The following WDR27 variants were observed in gnomAD, a reference collection of about 807,000 sequenced individuals.
WDR27 encodes the protein WD repeat domain 27, also known as WD repeat-containing protein 27.
WDR27 carries 100 observed loss-of-function variants against 114.4 expected under a neutral mutation model. The ratio of observed to expected loss-of-function variants is 0.87; its 90% CI spans 0.74 to 1.03. The LOEUF is 1.03. Ranked by LOEUF, WDR27 falls within the 50% of genes least tolerant of loss-of-function variation. WDR27 has a pLI of 0.00. For missense variants in WDR27, 1,129 were observed against 1,092.9 expected, an observed-to-expected ratio of 1.03 and a Z score of -0.47; for synonymous variants, 449 against 423.1, an observed-to-expected ratio of 1.06 and a Z score of -0.75.
intron 23 of WDR27, among the ~76,000 whole-genome samples, chr6:169,597,960 CT>C (rs11393060): frequency 0.019 from 2,791 of 144,846 alleles, 84 homozygotes; most frequent in African/African-American, 0.066. Flanking sequence ...ACATAGGTCT[CT>C]TTTTTTTTTT....
intron 25 of WDR27, among the ~76,000 whole-genome samples, chr6:169,496,388 C>T (rs1403247981): frequency 6.6e-6 from 1 of 152,032 alleles, no homozygotes; most frequent in Non-Finnish European, 1.5e-5. Flanking sequence ...AAATCAAGAA[C>T]AAGTCAAGAA....
intron 2 of WDR27, among the ~76,000 whole-genome samples, chr6:169,678,391 C>T (rs990457420): frequency 6.6e-6 from 1 of 152,320 alleles, no homozygotes; most frequent in Admixed American, 6.5e-5. Flanking sequence ...GGGCCTATAG[C>T]TCCTCTCTTT....
chr6:169,634,766 G>A (rs568235294), intron 19 of WDR27, among the ~76,000 whole-genome samples: 25 of 152,100 alleles, frequency 1.6e-4, no homozygotes, highest in Non-Finnish European at 3.4e-4. Context: ...GATCCCCCAC[G>A]CCGTCCTCCT....
At chr6:169,643,297 A>G (rs558442923) in intron 17 of WDR27, among the ~76,000 whole-genome samples, 2 of 152,318 alleles carry the variant, frequency 1.3e-5, no homozygotes, top group African/African-American at 4.8e-5. Flanking sequence ...CTTTTTTTAA[A>G]AAAAAATTGT....
chr6:169,677,135 C>G (rs931796328), intron 2 of WDR27, among the ~76,000 whole-genome samples: 1 of 152,194 alleles, frequency 6.6e-6, no homozygotes, highest in Non-Finnish European at 1.5e-5. Flanking sequence ...GTTTGGAGGG[C>G]TCAGAGGAAG....
chr6:169,470,143 C>T (rs978405737), intron 25 of WDR27, among the ~76,000 whole-genome samples: 3 of 152,186 alleles, frequency 2.0e-5, no homozygotes, highest in Non-Finnish European at 4.4e-5. Context: ...ATGATCTTTC[C>T]TCCAATTTTC....
chr6:169,642,317 G>A (rs953644060), intron 17 of WDR27, among the ~76,000 whole-genome samples: 1 of 147,924 alleles, frequency 6.8e-6, no homozygotes. Flanking sequence ...CCCGCCCACA[G>A]AAACAGAGCA....
chr6:169,629,927 C>CAAAAA (rs747455041), intron 21 of WDR27, among the ~76,000 whole-genome samples: 6 of 52,368 alleles, frequency 1.1e-4, no homozygotes, highest in African/African-American at 1.5e-4. Context: ...AACTTCATCT[C>CAAAAA]AAAAAAAAAA....
At chr6:169,566,593 A>G (rs1051271614) in intron 25 of WDR27, among the ~76,000 whole-genome samples, 11 of 152,224 alleles carry the variant, frequency 7.2e-5, no homozygotes, top group African/African-American at 2.4e-4. Context: ...GCATGTACTG[A>G]GTATTTTTGT....
At chr6:169,680,074 G>A (rs768286352) in intron 2 of WDR27, among the ~76,000 whole-genome samples, 2 of 152,028 alleles carry the variant, frequency 1.3e-5, no homozygotes, top group Non-Finnish European at 2.9e-5. Flanking sequence ...TCAAAAACAA[G>A]GCAAAATAAA....
At chr6:169,557,112 T>C (rs921719001) in intron 25 of WDR27, among the ~76,000 whole-genome samples, 1 of 152,178 alleles carries the variant, frequency 6.6e-6, no homozygotes, top group African/African-American at 2.4e-5. Context: ...TATGGCAGCA[T>C]TATTTGTAAT....
chr6:169,538,709 C>T (rs1328702677), intron 25 of WDR27, among the ~76,000 whole-genome samples: 3 of 149,912 alleles, frequency 2.0e-5, no homozygotes, highest in Non-Finnish European at 4.5e-5. Context: ...GGAATACACA[C>T]ACACACACAC....
chr6:169,659,586 G>T lies in WDR27; in HGVS notation c.1130-68C>A. On this transcript the variant is annotated intron_variant, in intron 10 of 25. Coordinates refer to ENST00000448612, the MANE Select transcript of WDR27 (RefSeq NM_182552.5). This position sits in a 1 kb window ranked among gnomAD's most constrained non-coding sequence, Gnocchi z 4.3. Reference sequence around the variant, plus strand: ...GGTAGCACATACACACGGAGTCACTGCCCAGAGCCCACCACACACAGCCCA... The same window carrying T: ...GGTAGCACATACACACGGAGTCACTTCCCAGAGCCCACCACACACAGCCCA... 6.9e-7 allele frequency: 1 copy of T among 1,457,596 alleles called. No homozygotes were observed. The highest frequency in any genetic ancestry group is 9.4e-7 in the Non-Finnish European group (1 of 1,063,850). The allele number at this position is 1,457,596 out of a possible 1,614,324, so 90.3% of individuals were successfully genotyped here. A position where few individuals can be genotyped will look rare whatever the true frequency, so the allele number is the denominator to read the frequency against.
chr6:169,439,948 AAT>A, the WDR27 span, among the ~76,000 whole-genome samples: 1 of 150,098 alleles, frequency 6.7e-6, no homozygotes, highest in Non-Finnish European at 1.5e-5. Context: ...ATAATTATTT[AAT>A]ATATCACATT....
intron 8 of WDR27, among the ~76,000 whole-genome samples, chr6:169,662,929 G>C (rs988957825): frequency 3.4e-5 from 5 of 146,222 alleles, no homozygotes; most frequent in Non-Finnish European, 7.5e-5. Context: ...GTGCACCGCG[G>C]AGCATTCAGA....
chr6:169,557,875 T>C (rs1188165196), intron 25 of WDR27, among the ~76,000 whole-genome samples: 2 of 152,204 alleles, frequency 1.3e-5, no homozygotes, highest in Non-Finnish European at 2.9e-5. Context: ...ACTGTCTTCA[T>C]TGCCCTTTTC....
rs187813251 is a variant in WDR27 at position 169,685,854 on chromosome 6, C to T, written c.189+2963G>A. Among the ~76,000 whole-genome samples the T allele has an allele frequency of 3.8e-4, 58 of 152,112 alleles. No individual in the cohort carries two copies. The East Asian group carries it at 0.01, about 27-fold the overall frequency. On this transcript the variant is annotated intron_variant, in intron 2 of 25. Transcript: ENST00000448612. ...GATGGAAATCCAGGTTCAGGAAGCT[C>T]GAATAACCAAATAGTTTCAAACCAA...
chr6:169,447,785 T>A, the WDR27 span, among the ~76,000 whole-genome samples: 1 of 152,246 alleles, frequency 6.6e-6, no homozygotes, highest in Non-Finnish European at 1.5e-5. Context: ...CTTCCAAGAA[T>A]GTCTCTTCAG....
At position 169,664,099 on chromosome 6, in the gene WDR27, T is replaced by C. The variant is rs964191130; in HGVS notation, c.904+67A>G. 1.1e-5 allele frequency: 16 copies of C among 1,438,298 alleles called. No homozygotes were observed. In the Admixed American group the frequency reaches 3.9e-4, roughly 35 times the overall value. The allele number at this position is 1,438,298 out of a possible 1,614,324, so 89.1% of individuals were successfully genotyped here. A position where few individuals can be genotyped will look rare whatever the true frequency, so the allele number is the denominator to read the frequency against. On this transcript the variant is annotated intron_variant, in intron 8 of 25. Coordinates refer to ENST00000448612, the MANE Select transcript of WDR27 (RefSeq NM_182552.5). ...CTCTCCCCTGTGTGACCTAGGGCCC[T>C]TGACATGGCGCCTGGTGAAAGATCT...
Sources: allele counts gnomAD v4.1 joint callset (sites outside exome capture counted in the v4.1 genomes callset), GRCh38; gene constraint gnomAD v4.1.1; non-coding constraint Gnocchi (gnomAD v3.1); transcripts MANE v1.5; gene names NCBI Gene and HGNC (gene_info 2026-07-23, HGNC 2026-07-21).